The following ANKEF1 variants were observed in gnomAD, a reference collection of about 807,000 sequenced individuals.
ANKEF1 encodes ankyrin repeat and EF-hand domain-containing protein 1.
Under a neutral mutation model 65.1 loss-of-function variants are expected in ANKEF1, and 43 were observed. The ratio of observed to expected loss-of-function variants is 0.66; its 90% CI spans 0.52 to 0.85. The LOEUF is 0.85. ANKEF1 is among the 40% of genes least tolerant of loss of function. The pLI is 0.00. For synonymous variants in ANKEF1, 316 were observed against 341.5 expected (o/e 0.93, Z 0.82); for missense variants, 934 against 952.9 (o/e 0.98, Z 0.26).
At position 10,055,615 on chromosome 20, in the gene ANKEF1, C is replaced by T; in HGVS notation, c.2286C>T (p.Asn762=). 1 of 1,613,794 alleles carries T rather than the reference C, an allele frequency of 6.2e-7. No homozygotes were observed. The highest frequency in any genetic ancestry group is 1.7e-5 in the Admixed American group (1 of 59,984). The change falls in exon 11 of 11, where the codon AAC becomes AAT. Residue 762 remains asparagine (N), a synonymous_variant. Coordinates refer to ENST00000378392, the MANE Select transcript of ANKEF1 (RefSeq NM_022096.6). ...FDDFMMPFQK[N]ITEKARALEA... Reference sequence around the variant, plus strand: ...ATTTTATGATGCCTTTTCAGAAGAACATCACAGAGAAAGCTCGAGCACTGG... The same window carrying T: ...ATTTTATGATGCCTTTTCAGAAGAATATCACAGAGAAAGCTCGAGCACTGG...
rs1156665135 is a variant in ANKEF1, at chr20:10,049,975, A to G, written c.1406A>G (p.Asn469Ser). 1.9e-6 allele frequency: 3 copies of G among 1,614,194 alleles called. No homozygotes were observed. The highest frequency in any genetic ancestry group is 1.1e-5 in the South Asian group (1 of 91,090). The part of the protein sequence containing the change: ...YKNVTDSSRF[N>S]RDHPPEHPIQ... The stretch of plus-strand genomic sequence containing the variant: ...AATGTCACTGATAGCAGCCGGTTTA[A>G]TAGAGATCATCCCCCAGAACATCCC... Residue 469 changes from asparagine (N) to serine (S), a missense_variant, in exon 7 of 11, where the codon AAT (asparagine) becomes AGT (serine). Transcript: ENST00000378392.
chr20:10,052,683 G>A (rs939391376), intron 8 of ANKEF1, among the ~76,000 whole-genome samples: 1 of 152,048 alleles, frequency 6.6e-6, no homozygotes, highest in Non-Finnish European at 1.5e-5. Flanking sequence ...TCTGCCTGGA[G>A]CACCTGTGGC....
Position 10,045,569 on chromosome 20 carries a change from T to A in ANKEF1, c.697-5T>A. 6.2e-7 allele frequency: 1 copy of A among 1,613,056 alleles called. No homozygotes were observed. The highest frequency in any genetic ancestry group is 8.5e-7 in the Non-Finnish European group (1 of 1,179,148). ...CCTCCACAATATCCACTATTTATTT[T>A]ACAGATATTGAAGCTTCTTTTTGCC... is the stretch of plus-strand genomic sequence containing the variant. On this transcript the variant is annotated splice_region_variant and splice_polypyrimidine_tract_variant and intron_variant, in intron 5 of 10. Transcript: ENST00000378392.
Position 10,044,406 on chromosome 20 carries a change from A to G in ANKEF1, c.559A>G (p.Thr187Ala). Residue 187 changes from threonine (T) to alanine (A), a missense_variant, in exon 5 of 11, where the codon ACA becomes GCA. Coordinates refer to ENST00000378392, the MANE Select transcript of ANKEF1 (RefSeq NM_022096.6). ...PNAINSSTGR[T>A]ALMEASREGV... ...ATTTCATGTCCAGTCCACAGGCCGC[A>G]CAGCTTTAATGGAAGCGTCAAGAGA... The G allele has an allele frequency of 6.2e-7, 1 of 1,614,082 alleles. No individual in the cohort carries two copies. The highest frequency in any genetic ancestry group is 8.5e-7 in the Non-Finnish European group (1 of 1,179,944).
chr20:10,047,312 G>C (rs1182851195), intron 6 of ANKEF1, among the ~76,000 whole-genome samples: 1 of 152,184 alleles, frequency 6.6e-6, no homozygotes, highest in Non-Finnish European at 1.5e-5. Context: ...AAAATGTTCT[G>C]AGTTCTGTGC....
At chr20:10,046,136 G>A (rs1442829820) in intron 6 of ANKEF1, among the ~76,000 whole-genome samples, 2 of 152,088 alleles carry the variant, frequency 1.3e-5, no homozygotes, top group Non-Finnish European at 2.9e-5. Context: ...TTAGCCAGGG[G>A]TGGTGACGGC....
intron 4 of ANKEF1, 105 bp from the exon 5 acceptor site, chr20:10,044,289 A>G: frequency 7.8e-7 from 1 of 1,278,284 alleles, no homozygotes; most frequent in South Asian, 2.0e-5. Context: ...TAAACTTGTA[A>G]GTGTAAAGCT....
chr20:10,038,628 A>G lies in ANKEF1; in HGVS notation c.327A>G (p.Ile109Met). Reference protein sequence around the residue: ...ILAKAKADMTIVDNEGKGVLF... With the variant: ...ILAKAKADMTMVDNEGKGVLF... ...CAAAGGCAAAGGCTGATATGACTAT[A>G]GTTGATAATGAAGGAAAAGGTAAAA... The change falls in exon 3 of 11, where the codon ATA (isoleucine) becomes ATG (methionine). Residue 109 changes from isoleucine to methionine, a missense_variant. By Grantham distance (10) the Ile-to-Met change is conservative. Coordinates refer to ENST00000378392, the MANE Select transcript of ANKEF1 (RefSeq NM_022096.6). 6.3e-7 allele frequency: 1 copy of G among 1,594,342 alleles called. No homozygotes were observed. The highest frequency in any genetic ancestry group is 1.1e-5 in the South Asian group (1 of 89,528).
intron 3 of ANKEF1, among the ~76,000 whole-genome samples, chr20:10,040,863 T>TTTGCTG (rs1984144688): frequency 6.6e-6 from 1 of 152,186 alleles, no homozygotes. Flanking sequence ...CTTAGGTTGT[T>TTTGCTG]TTGCTGTTGC....
chr20:10,046,911 G>T (rs1222288570), intron 6 of ANKEF1, among the ~76,000 whole-genome samples: 1 of 152,106 alleles, frequency 6.6e-6, no homozygotes, highest in Admixed American at 6.6e-5. Flanking sequence ...TATGTCCCCA[G>T]TGTGATAAAC....
At position 10,045,614 on chromosome 20, in the gene ANKEF1, T is replaced by C; in HGVS notation, c.737T>C (p.Leu246Pro). 6.2e-7 allele frequency: 1 copy of C among 1,613,824 alleles called. No homozygotes were observed. Residue 246 changes from leucine (L) to proline (P), a missense_variant, in exon 6 of 11, where the codon CTG (leucine) becomes CCG (proline). Coordinates refer to ENST00000378392, the MANE Select transcript of ANKEF1 (RefSeq NM_022096.6). ...TTTGCCTACAATGGAGACGTGGGGC[T>C]GATTTCGATAAATGGGAACACACCA... is the stretch of plus-strand genomic sequence containing the variant. ...LLFAYNGDVG[L>P]ISINGNTPLH...
chr20:10,054,395 C>G lies in ANKEF1; in HGVS notation c.2035-67C>G, dbSNP rs950788779. The G allele has an allele frequency of 4.6e-5, 60 of 1,301,622 alleles. No individual in the cohort carries two copies. In the South Asian group the frequency reaches 9.2e-4, roughly 20 times the overall value. 80.6% of individuals were successfully genotyped at this position (1,301,622 alleles called of 1,614,324 possible). ...TCTGGCTTCAGAGTAAGATGTGAAA[C>G]AGCAAATAATATTAGAAAATCAGTA... On this transcript the variant is annotated intron_variant, in intron 9 of 10. Coordinates refer to ENST00000378392, the MANE Select transcript of ANKEF1 (RefSeq NM_022096.6).
chr20:10,042,360 C>T (rs1433043943), intron 3 of ANKEF1, among the ~76,000 whole-genome samples: 1 of 151,412 alleles, frequency 6.6e-6, no homozygotes, highest in Non-Finnish European at 1.5e-5. Flanking sequence ...ATAGTGGTTT[C>T]TTTTTTGGTT....
In ANKEF1 at chr20:10,038,267, T is replaced by C; in HGVS notation, c.-35T>C. 2 of 1,352,686 alleles carry C rather than the reference T, an allele frequency of 1.5e-6. No individual in the cohort carries two copies. The highest frequency in any genetic ancestry group is 1.9e-6 in the Non-Finnish European group (2 of 1,025,666). 83.8% of individuals were successfully genotyped at this position (1,352,686 alleles called of 1,614,324 possible). ...TTTTTTGTTGCTTCAGCTTTAGTTTTGGTCCAGAAAGCATTTTCAAGGAGC... is the reference window on the plus strand; with the variant it reads ...TTTTTTGTTGCTTCAGCTTTAGTTTCGGTCCAGAAAGCATTTTCAAGGAGC... On this transcript the variant is annotated 5_prime_UTR_variant, in exon 3 of 11. Transcript: ENST00000378392.
At chr20:10,041,043 CA>C (rs1327707165) in intron 3 of ANKEF1, among the ~76,000 whole-genome samples, 1 of 151,232 alleles carries the variant, frequency 6.6e-6, no homozygotes, top group Non-Finnish European at 1.5e-5. Flanking sequence ...TTTTCATATA[CA>C]TTTTATTTTT....
Position 10,054,491 on chromosome 20 carries a change from A to G in ANKEF1, c.2064A>G (p.Pro688=). ...TGCTGTCATCAATTTATGGTGTACCAACCACATCAGAGGGAAAGAAAGTAC... is the reference window on the plus strand; with the variant it reads ...TGCTGTCATCAATTTATGGTGTACCGACCACATCAGAGGGAAAGAAAGTAC... ...EELLSSIYGV[P]TTSEGKKVQK... is the part of the protein sequence containing the mutation. Residue 688 remains proline, a synonymous_variant, in exon 10 of 11, where the codon CCA becomes CCG. Coordinates refer to ENST00000378392, the MANE Select transcript of ANKEF1 (RefSeq NM_022096.6). The G allele has an allele frequency of 6.2e-7, 1 of 1,601,682 alleles. No individual in the cohort carries two copies. Among genetic ancestry groups the G allele is most frequent in the Non-Finnish European group, 8.5e-7 (1 of 1,175,698 alleles).
Position 10,056,506 on chromosome 20 carries a change from A to ATAGG in ANKEF1, c.*849_*850insGTAG, listed in dbSNP as rs1985172962. On this transcript the variant is annotated 3_prime_UTR_variant, in exon 11 of 11. Coordinates refer to ENST00000378392, the MANE Select transcript of ANKEF1 (RefSeq NM_022096.6). ...AGATAGATAGATAGATGATAGATAG[A>ATAGG]TAGATAGATAGATAGATAGATAGAT... 1 of 151,322 alleles carries ATAGG rather than the reference A, an allele frequency of 6.6e-6. No individual in the cohort carries two copies. 9.4% of individuals were successfully genotyped at this position (151,322 alleles called of 1,614,324 possible).
Position 10,051,673 on chromosome 20 carries a change from A to AT in ANKEF1, c.1654_1655insT (p.Asn552IlefsTer5). ...TATCTTATTTTACAGAGCTAACGTT[A>AT]ATGCAACAGATAACTTTCTGTGGAC... On this transcript the variant is annotated frameshift_variant, in exon 8 of 11. Transcript: ENST00000378392. LOFTEE classifies it high-confidence loss of function. 1.9e-6 allele frequency: 3 copies of AT among 1,612,720 alleles called. No homozygotes were observed. The highest frequency in any genetic ancestry group is 2.5e-6 in the Non-Finnish European group (3 of 1,179,010).
rs1985121023 is a variant in ANKEF1 at position 10,055,869 on chromosome 20, A to G, written c.*209A>G. On this transcript the variant is annotated 3_prime_UTR_variant, in exon 11 of 11. Transcript: ENST00000378392. The stretch of plus-strand genomic sequence containing the variant: ...AAATGAATGGTATGTCATTCTGGAT[A>G]AATCCCCAAGCCCCTTTATGAATGT... The G allele has an allele frequency of 1.6e-5, 9 of 552,278 alleles. No homozygotes were observed. In the South Asian group the frequency reaches 2.1e-4, roughly 13 times the overall value. 34.2% of individuals were successfully genotyped at this position (552,278 alleles called of 1,614,324 possible). A position where few individuals can be genotyped will look rare whatever the true frequency, so the allele number is the denominator to read the frequency against.
Sources: gnomAD v4.1 joint callset for allele counts (sites outside exome capture counted in the v4.1 genomes callset) on GRCh38, gnomAD v4.1.1 for gene constraint, MANE v1.5 for transcripts, NCBI Gene and HGNC (gene_info 2026-07-23, HGNC 2026-07-21) for gene names.